Variants in PLCG2 observed in about 807,000 individuals in gnomAD.
The protein encoded by PLCG2 is phospholipase C gamma 2.
Under a neutral mutation model 175.6 loss-of-function variants are expected in PLCG2, and 69 were observed. That is an observed-to-expected ratio of 0.39 (90% CI 0.32 to 0.48). PLCG2 has a LOEUF of 0.48. Among genes scored for constraint, PLCG2 ranks in the 20% least tolerant of loss-of-function variants. PLCG2 has a pLI of 0.91. For synonymous variants in PLCG2, 827 were observed against 624.0 expected, an observed-to-expected ratio of 1.33 and a Z score of -4.85; for missense variants, 1,798 against 1,650.9, an observed-to-expected ratio of 1.09 and a Z score of -1.54.
chr16:81,860,555 C>G (rs997586689), intron 5 of PLCG2, among the ~76,000 whole-genome samples: 3 of 152,170 alleles, frequency 2.0e-5, no homozygotes, highest in Non-Finnish European at 4.4e-5. Context: ...GATCTTTGTT[C>G]ATCTGCAACC....
chr16:81,837,684 G>GTT lies in PLCG2; in HGVS notation c.194-16743_194-16742dup, dbSNP rs1218961131. Among the ~76,000 whole-genome samples, 99 of 126,120 alleles carry GTT rather than the reference G, an allele frequency of 7.8e-4. 3 individuals carry two copies. Among genetic ancestry groups the GTT allele is most frequent in the African/African-American group, 1.2e-3 (41 of 34,412 alleles). 82.7% of individuals were successfully genotyped at this position (126,120 alleles called of 152,430 possible). A position where few individuals can be genotyped will look rare whatever the true frequency, so the allele number is the denominator to read the frequency against. On this transcript the variant is annotated intron_variant, in intron 2 of 32. Coordinates refer to ENST00000564138, the MANE Select transcript of PLCG2 (RefSeq NM_002661.5). Reference sequence around the variant, plus strand: ...GAACATCTGTTTGGTACCAACATGTGTTTTTTTTTTTTTTTTTTCTCCTTG... The same window carrying GTT: ...GAACATCTGTTTGGTACCAACATGTGTTTTTTTTTTTTTTTTTTTTCTCCTTG...
intron 11 of PLCG2, among the ~76,000 whole-genome samples, chr16:81,892,871 A>G (rs1293678555): frequency 6.7e-6 from 1 of 148,604 alleles, no homozygotes; most frequent in African/African-American, 2.5e-5. Flanking sequence ...TTTTTGAGAC[A>G]GAGTCTCACT....
At chr16:81,744,815 C>T (rs1909672091) in intron 1 of PLCG2, among the ~76,000 whole-genome samples, 1 of 152,092 alleles carries the variant, frequency 6.6e-6, no homozygotes, top group Non-Finnish European at 1.5e-5. Context: ...ATTCTTCCGC[C>T]TCAGCCTCCC....
chr16:81,905,396 C>A lies in PLCG2; in HGVS notation c.1363-7C>A. The A allele has an allele frequency of 1.2e-6, 2 of 1,606,496 alleles. No homozygotes were observed. Among genetic ancestry groups the A allele is most frequent in the Non-Finnish European group, 1.7e-6 (2 of 1,173,232 alleles). ...GGAGACAGCCTATGTATATGTTTTC[C>A]CCTCAGCATAAGAAGCTGGGCCCCC... On this transcript the variant is annotated splice_region_variant and splice_polypyrimidine_tract_variant and intron_variant, in intron 14 of 32. Transcript: ENST00000564138.
chr16:81,917,183 A>G (rs1485419545), intron 19 of PLCG2, among the ~76,000 whole-genome samples: 2 of 149,518 alleles, frequency 1.3e-5, no homozygotes, highest in African/African-American at 4.9e-5. Flanking sequence ...ACACAGCACA[A>G]TGTCCTCCAG....
chr16:81,762,461 C>G (rs147385414), intron 2 of PLCG2, among the ~76,000 whole-genome samples: 152 of 151,736 alleles, frequency 1.0e-3, no homozygotes, highest in African/African-American at 3.5e-3. Flanking sequence ...CCCAGGTACT[C>G]GGGAGGCTGA....
At chr16:81,851,255 C>T (rs747526450) in intron 2 of PLCG2, among the ~76,000 whole-genome samples, 4 of 152,206 alleles carry the variant, frequency 2.6e-5, no homozygotes, top group Non-Finnish European at 5.9e-5. Context: ...TTTAGCTGCT[C>T]CAGTGATAAC....
In PLCG2 at chr16:81,936,189, A is replaced by C; in HGVS notation, c.2863A>C (p.Ile955Leu). ...DNLENPDFRE[I>L]RSFVETKADS... The stretch of plus-strand genomic sequence containing the variant: ...TGCAGAAAATCCTGACTTCCGAGAA[A>C]TCCGCTCCTTTGTGGAGACGAAGGC... Residue 955 changes from isoleucine to leucine, a missense_variant, in exon 27 of 33, where the codon ATC (isoleucine) becomes CTC (leucine). Physicochemically the swap from Ile to Leu is conservative, Grantham distance 5. Transcript: ENST00000564138. The C allele has an allele frequency of 6.2e-7, 1 of 1,614,132 alleles. No homozygotes were observed. The highest frequency in any genetic ancestry group is 8.5e-7 in the Non-Finnish European group (1 of 1,180,042).
intron 7 of PLCG2, among the ~76,000 whole-genome samples, chr16:81,877,961 CTTTTTTTTTTAATTTT>C (rs1907887254): frequency 8.4e-6 from 1 of 118,510 alleles, no homozygotes; most frequent in Admixed American, 9.3e-5. Flanking sequence ...AAATCTCCCT[CTTTTTTTTTTAATTTT>C]TTTTTTTTTT....
chr16:81,839,961 G>T (rs969615713), intron 2 of PLCG2, among the ~76,000 whole-genome samples: 1 of 152,204 alleles, frequency 6.6e-6, no homozygotes, highest in African/African-American at 2.4e-5. Flanking sequence ...GGAGGCTGAG[G>T]CAGGAGGGTC....
chr16:81,814,442 C>G (rs1055796387), intron 2 of PLCG2, among the ~76,000 whole-genome samples: 1 of 152,036 alleles, frequency 6.6e-6, no homozygotes, highest in Non-Finnish European at 1.5e-5. Flanking sequence ...CCTGTAATCC[C>G]AGCACTTGTG....
At chr16:81,905,728 G>T (rs893852626) in intron 15 of PLCG2, among the ~76,000 whole-genome samples, 1 of 151,832 alleles carries the variant, frequency 6.6e-6, no homozygotes, top group Non-Finnish European at 1.5e-5. Flanking sequence ...GTGTGATTGC[G>T]GCTCACTGCA....
At chr16:81,909,153 C>A (rs1248556838) in intron 17 of PLCG2, among the ~76,000 whole-genome samples, 1 of 152,244 alleles carries the variant, frequency 6.6e-6, no homozygotes, top group Non-Finnish European at 1.5e-5. Flanking sequence ...CAGACAATGT[C>A]TTTGTCCTCC....
At chr16:81,764,063 C>T (rs149534647) in intron 2 of PLCG2, among the ~76,000 whole-genome samples, 74 of 151,328 alleles carry the variant, frequency 4.9e-4, no homozygotes, top group Non-Finnish European at 8.3e-4. Context: ...GAGGCTGAGG[C>T]AGGAGGATTG....
chr16:81,848,140 A>G (rs181996490), intron 2 of PLCG2, among the ~76,000 whole-genome samples: 37 of 152,374 alleles, frequency 2.4e-4, no homozygotes, highest in Admixed American at 4.6e-4. Flanking sequence ...TAGAAAGATT[A>G]GTAGAACAGG....
chr16:81,766,210 TTC>T (rs1910146412), intron 2 of PLCG2, among the ~76,000 whole-genome samples: 2 of 147,084 alleles, frequency 1.4e-5, no homozygotes, highest in Non-Finnish European at 2.9e-5. Flanking sequence ...ACTCAGGCCT[TTC>T]TCTCCAAGTG....
Position 81,907,794 on chromosome 16 carries a change from A to G in PLCG2, c.1557+20A>G. 6.3e-7 allele frequency: 1 copy of G among 1,585,694 alleles called. No individual in the cohort carries two copies. Among genetic ancestry groups the G allele is most frequent in the Non-Finnish European group, 8.6e-7 (1 of 1,156,130 alleles). ...CCCCAGGTAGGGGGACACCCTAGCC[A>G]CATAGGGAGGAGGTCCCCAGGAACC... is the stretch of plus-strand genomic sequence containing the variant. On this transcript the variant is annotated intron_variant, in intron 16 of 32. Coordinates refer to ENST00000564138, the MANE Select transcript of PLCG2 (RefSeq NM_002661.5).
intron 31 of PLCG2, 50 bp downstream of exon 31, chr16:81,946,313 G>A: frequency 7.2e-7 from 1 of 1,386,850 alleles, no homozygotes; most frequent in Non-Finnish European, 1.0e-6. Flanking sequence ...GCCTGCTGGT[G>A]AGGGTAGAAA....
intron 2 of PLCG2, among the ~76,000 whole-genome samples, chr16:81,800,468 T>C (rs1415255501): frequency 6.6e-6 from 1 of 152,186 alleles, no homozygotes; most frequent in Admixed American, 6.5e-5. Context: ...ATGCAGTGTT[T>C]GGTTTTCTGT....
Sources: allele counts gnomAD v4.1 joint callset (sites outside exome capture counted in the v4.1 genomes callset), GRCh38; gene constraint gnomAD v4.1.1; transcripts MANE v1.5; gene names NCBI Gene and HGNC (gene_info 2026-07-23, HGNC 2026-07-21).